INO80D: variants seen among roughly 807,000 people sequenced by gnomAD.
INO80D encodes INO80 complex subunit D.
A neutral mutation model predicts 87.6 loss-of-function variants in INO80D; 21 were observed. The observed-to-expected ratio is 0.24, with a 90% CI of 0.17 to 0.35. The LOEUF (loss-of-function observed/expected upper bound fraction) is 0.35, where lower values mean the gene tolerates loss of function less well. INO80D is among the 10% of genes least tolerant of loss of function. The pLI is 1.00. For missense variants in INO80D, 982 were observed against 1,280.7 expected, an observed-to-expected ratio of 0.77 and a Z score of 3.56; for synonymous variants, 440 against 491.0, an observed-to-expected ratio of 0.90 and a Z score of 1.37.
intron 10 of INO80D, among the ~76,000 whole-genome samples, chr2:206,006,847 G>C (rs926584913): frequency 2.0e-5 from 3 of 152,014 alleles, no homozygotes; most frequent in South Asian, 2.1e-4. Context: ...AGGAGTTCAA[G>C]ACCAGCCTGG....
Position 206,003,961 on chromosome 2 carries a change from A to AGG in INO80D, c.*406_*407insCC. 1 of 192,556 alleles carries AGG rather than the reference A, an allele frequency of 5.2e-6. No individual in the cohort carries two copies. Among genetic ancestry groups the AGG allele is most frequent in the Non-Finnish European group, 1.1e-5 (1 of 91,224 alleles). The allele number at this position is 192,556 out of a possible 1,614,324, so 11.9% of individuals were successfully genotyped here. A position where few individuals can be genotyped will look rare whatever the true frequency, so the allele number is the denominator to read the frequency against. On this transcript the variant is annotated 3_prime_UTR_variant, in exon 11 of 11. Coordinates refer to ENST00000403263, the MANE Select transcript of INO80D (RefSeq NM_017759.5). Reference sequence around the variant, plus strand: ...CTGTCTCTTATACAGGAACTCAATTAATAAGATCATTCTATCTAGAACCAC... The same window carrying AGG: ...CTGTCTCTTATACAGGAACTCAATTAGGATAAGATCATTCTATCTAGAACCAC...
intron 4 of INO80D, among the ~76,000 whole-genome samples, chr2:206,055,319 G>A (rs901897105): frequency 3.9e-5 from 6 of 152,106 alleles, no homozygotes; most frequent in African/African-American, 9.7e-5. Context: ...ACTTGGAATC[G>A]AGGAAGTTTT....
At chr2:206,040,723 C>A in intron 5 of INO80D, 1 of 276,300 alleles carries the variant, frequency 3.6e-6, no homozygotes, top group Non-Finnish European at 7.7e-6. Context: ...AACTGTCATC[C>A]ACAAGGATGT....
In INO80D at chr2:206,063,008, T is replaced by C. The variant is rs773171220; in HGVS notation, c.9A>G (p.Glu3=). The C allele has an allele frequency of 8.1e-5, 131 of 1,608,728 alleles. No homozygotes were observed. Among genetic ancestry groups the C allele is most frequent in the Middle Eastern group, 3.3e-4 (2 of 6,078 alleles). ...CCTCAGAGAAGTGTATATGTTTCCC[T>C]TCATACATCACGTGACTCTATTCCT... MY[E]GKHIHFSEVD... Residue 3 remains glutamate (E), a synonymous_variant, in exon 3 of 11, where the codon GAA becomes GAG. Transcript: ENST00000403263.
intron 4 of INO80D, among the ~76,000 whole-genome samples, chr2:206,052,094 C>CT (rs1160442193): frequency 6.6e-6 from 1 of 152,226 alleles, no homozygotes; most frequent in Non-Finnish European, 1.5e-5. Context: ...TGTGAATCTG[C>CT]TGCAAAGGAA....
At chr2:206,033,152 T>C (rs1688810892) in intron 5 of INO80D, among the ~76,000 whole-genome samples, 1 of 152,130 alleles carries the variant, frequency 6.6e-6, no homozygotes, top group South Asian at 2.1e-4. Context: ...TCCATGCAAA[T>C]GGACACCAAA....
chr2:206,000,883 G>A lies in INO80D; in HGVS notation c.*3485C>T, dbSNP rs1687897708. On this transcript the variant is annotated 3_prime_UTR_variant, in exon 11 of 11. Transcript: ENST00000403263. ...ACTATTTGTTTCTGATTAAATTATA[G>A]TCTTCTCATAGAGGGGCACTAGACA... 6.6e-6 allele frequency: 1 copy of A among 152,116 alleles called. No individual in the cohort carries two copies. The highest frequency in any genetic ancestry group is 2.4e-5 in the African/African-American group (1 of 41,404). The allele number at this position is 152,116 out of a possible 1,614,324, so 9.4% of individuals were successfully genotyped here.
chr2:206,062,782 T>C lies in INO80D; in HGVS notation c.218+17A>G, dbSNP rs878967329. On this transcript the variant is annotated intron_variant, in intron 3 of 10. Transcript: ENST00000403263. This position sits in a 1 kb window ranked among gnomAD's most constrained non-coding sequence, Gnocchi z 4.6. ...TGTTAATGAAATCAAGGATTGATTC[T>C]CATGATTAGCCCTTACCTACGATCC... The C allele has an allele frequency of 1.3e-6, 2 of 1,579,712 alleles. No homozygotes were observed. Among genetic ancestry groups the C allele is most frequent in the Admixed American group, 3.9e-5 (2 of 50,772 alleles).
At chr2:206,049,342 G>C (rs1689284295) in intron 4 of INO80D, among the ~76,000 whole-genome samples, 1 of 152,124 alleles carries the variant, frequency 6.6e-6, no homozygotes, top group South Asian at 2.1e-4. Context: ...ATAATTTGTA[G>C]GGGGAAAAGG....
At chr2:206,012,431 C>T (rs972898558) in intron 8 of INO80D, among the ~76,000 whole-genome samples, 1 of 152,166 alleles carries the variant, frequency 6.6e-6, no homozygotes, top group Non-Finnish European at 1.5e-5. Flanking sequence ...ATGTAAACAA[C>T]ATACCCCCTA....
chr2:206,019,270 GAT>G (rs1256423866), intron 7 of INO80D, among the ~76,000 whole-genome samples: 1 of 152,160 alleles, frequency 6.6e-6, no homozygotes, highest in African/African-American at 2.4e-5. Context: ...CCTAGGCAGT[GAT>G]GTTTGTTACC....
At chr2:206,041,544 A>G (rs1315173041) in intron 5 of INO80D, among the ~76,000 whole-genome samples, 1 of 152,230 alleles carries the variant, frequency 6.6e-6, no homozygotes, top group African/African-American at 2.4e-5. Context: ...ACAGAAATAC[A>G]AAGTGTGGGA....
At chr2:206,021,064 T>C (rs970562652) in intron 6 of INO80D, among the ~76,000 whole-genome samples, 1 of 151,964 alleles carries the variant, frequency 6.6e-6, no homozygotes, top group Admixed American at 6.6e-5. Context: ...ACAAAACCTA[T>C]CCCATCTACG....
rs1458502730 is a variant in INO80D, at chr2:206,085,589, C to T, written c.-124+312G>A. 1 of 149,114 alleles carries T rather than the reference C, an allele frequency of 6.7e-6. No individual in the cohort carries two copies. The highest frequency in any genetic ancestry group is 1.5e-5 in the Non-Finnish European group (1 of 66,878). The allele number at this position is 149,114 out of a possible 1,614,324, so 9.2% of individuals were successfully genotyped here. A position where few individuals can be genotyped will look rare whatever the true frequency, so the allele number is the denominator to read the frequency against. ...CTACCGGCCCGAGGCCTACCGGCGC[C>T]CCCCCCTCCCGCCGCACACCCCCAC... On this transcript the variant is annotated intron_variant, in intron 1 of 10. Coordinates refer to ENST00000403263, the MANE Select transcript of INO80D (RefSeq NM_017759.5). This position sits in a 1 kb window ranked among gnomAD's most constrained non-coding sequence, Gnocchi z 4.5.
At chr2:206,022,704 T>C (rs773369207) in intron 6 of INO80D, among the ~76,000 whole-genome samples, 56 of 152,188 alleles carry the variant, frequency 3.7e-4, no homozygotes, top group African/African-American at 1.2e-3. Flanking sequence ...ATTATTTAGC[T>C]TGTATACAAA....
At chr2:206,059,698 A>G (rs1394619464) in intron 3 of INO80D, among the ~76,000 whole-genome samples, 2 of 152,156 alleles carry the variant, frequency 1.3e-5, no homozygotes, top group East Asian at 1.9e-4. Context: ...GCAGTCACTG[A>G]AAAAGCGAAA....
chr2:206,010,057 C>A (rs1688128401), intron 8 of INO80D, among the ~76,000 whole-genome samples: 1 of 124,502 alleles, frequency 8.0e-6, no homozygotes, highest in South Asian at 2.4e-4. Flanking sequence ...ATAGTTGACA[C>A]TGTCTACACA....
intron 1 of INO80D, among the ~76,000 whole-genome samples, chr2:206,084,376 C>T (rs1022877752): frequency 1.3e-5 from 2 of 152,080 alleles, no homozygotes; most frequent in African/African-American, 4.8e-5. Flanking sequence ...CTCCATTACT[C>T]TATTTCTAGG....
chr2:206,016,000 G>A (rs1358355550), intron 8 of INO80D, among the ~76,000 whole-genome samples: 1 of 152,184 alleles, frequency 6.6e-6, no homozygotes, highest in Non-Finnish European at 1.5e-5. Context: ...ATGTGGGTGG[G>A]AGCCTCCACA....
Sources: allele counts gnomAD v4.1 joint callset (sites outside exome capture counted in the v4.1 genomes callset), GRCh38; gene constraint gnomAD v4.1.1; non-coding constraint Gnocchi (gnomAD v3.1); transcripts MANE v1.5; gene names NCBI Gene and HGNC (gene_info 2026-07-23, HGNC 2026-07-21).